The following PPFIA2 variants were observed in gnomAD, a reference collection of about 807,000 sequenced individuals.
PPFIA2 encodes the protein PPFI scaffold protein A2, also known as liprin-alpha-2.
Under a neutral mutation model 175.5 loss-of-function variants are expected in PPFIA2, and 46 were observed. The observed-to-expected ratio is 0.26, with a 90% confidence interval of 0.21 to 0.34. The LOEUF is 0.34. Among genes scored for constraint, PPFIA2 ranks in the 10% least tolerant of loss-of-function variants. The pLI is 1.00. For synonymous variants in PPFIA2, 568 were observed against 511.4 expected (o/e 1.11, Z -1.49); for missense variants, 1,179 against 1,506.1 (o/e 0.78, Z 3.60).
At chr12:81,544,800 A>G (rs549516300) in intron 4 of PPFIA2, among the ~76,000 whole-genome samples, 1 of 152,284 alleles carries the variant, frequency 6.6e-6, no homozygotes, top group East Asian at 1.9e-4. Context: ...ATCTTTTCCT[A>G]TACAAGCTGC....
chr12:81,478,419 C>T (rs139443347), intron 4 of PPFIA2, among the ~76,000 whole-genome samples: 2,265 of 152,188 alleles, frequency 0.015, 48 homozygotes, highest in East Asian at 0.043. Context: ...TTCAGATCTG[C>T]TCTGATCTTA....
At chr12:81,513,565 A>G (rs890290821) in intron 4 of PPFIA2, among the ~76,000 whole-genome samples, 2 of 152,030 alleles carry the variant, frequency 1.3e-5, no homozygotes, top group African/African-American at 4.8e-5. Flanking sequence ...TAGAAGAGCT[A>G]TAAAGATAGT....
At chr12:81,342,889 C>T (rs1025134026) in intron 19 of PPFIA2, among the ~76,000 whole-genome samples, 1 of 151,768 alleles carries the variant, frequency 6.6e-6, no homozygotes, top group African/African-American at 2.4e-5. Context: ...CAGCATGGCA[C>T]ATGTATACAT....
At chr12:81,292,126 T>G (rs1222647934) in intron 24 of PPFIA2, among the ~76,000 whole-genome samples, 3 of 152,066 alleles carry the variant, frequency 2.0e-5, no homozygotes, top group Non-Finnish European at 2.9e-5. Flanking sequence ...TATCATATTT[T>G]TCATCTGGAA....
intron 4 of PPFIA2, among the ~76,000 whole-genome samples, chr12:81,498,693 C>T (rs992037711): frequency 1.3e-5 from 2 of 152,056 alleles, no homozygotes; most frequent in Admixed American, 6.6e-5. Context: ...GGCGTGATCT[C>T]GGCTCACTGC....
intron 4 of PPFIA2, among the ~76,000 whole-genome samples, chr12:81,660,390 C>T (rs148842147): frequency 1.6e-4 from 25 of 152,058 alleles, no homozygotes; most frequent in Non-Finnish European, 3.1e-4. Flanking sequence ...ACGAGAACTA[C>T]GTGACAAATG....
chr12:81,456,487 G>C (rs1450122681), intron 5 of PPFIA2, among the ~76,000 whole-genome samples: 1 of 152,128 alleles, frequency 6.6e-6, no homozygotes, highest in African/African-American at 2.4e-5. Flanking sequence ...TCTCATTAAA[G>C]GCACAAGCTC....
chr12:81,418,731 C>T (rs574766734), intron 7 of PPFIA2, among the ~76,000 whole-genome samples: 4 of 152,000 alleles, frequency 2.6e-5, no homozygotes, highest in African/African-American at 9.6e-5. Context: ...CAAATGGATA[C>T]AGTTAAAGTC....
chr12:81,601,141 G>C (rs1015197128), intron 4 of PPFIA2, among the ~76,000 whole-genome samples: 4 of 151,858 alleles, frequency 2.6e-5, no homozygotes, highest in African/African-American at 9.7e-5. Context: ...AAATAGTATA[G>C]ATTAATGTTA....
intron 4 of PPFIA2, among the ~76,000 whole-genome samples, chr12:81,517,646 T>C (rs902124835): frequency 1.3e-5 from 2 of 152,140 alleles, no homozygotes; most frequent in Non-Finnish European, 2.9e-5. Context: ...ATCTTGAAGA[T>C]GTAGATTGTA....
chr12:81,314,935 G>A (rs1409913033), intron 22 of PPFIA2, among the ~76,000 whole-genome samples: 2 of 151,750 alleles, frequency 1.3e-5, no homozygotes, highest in Non-Finnish European at 3.0e-5. Flanking sequence ...AAAGACAGGA[G>A]CAGAAGTTGA....
intron 14 of PPFIA2, 47 bp downstream of exon 14, chr12:81,367,061 G>A: frequency 7.0e-7 from 1 of 1,420,934 alleles, no homozygotes. Flanking sequence ...CAGTGGAATA[G>A]AAAATAAAAA....
At chr12:81,734,300 A>T (rs2081295935) in intron 3 of PPFIA2, among the ~76,000 whole-genome samples, 1 of 151,838 alleles carries the variant, frequency 6.6e-6, no homozygotes, top group African/African-American at 2.4e-5. Context: ...ATAAGGAAAA[A>T]ATCTCTTTGC....
intron 4 of PPFIA2, among the ~76,000 whole-genome samples, chr12:81,550,394 T>C (rs1446882456): frequency 6.6e-6 from 1 of 152,010 alleles, no homozygotes; most frequent in Non-Finnish European, 1.5e-5. Context: ...GGCATAACGA[T>C]AATTTATTTG....
intron 4 of PPFIA2, among the ~76,000 whole-genome samples, chr12:81,467,608 T>G (rs140776650): frequency 3.7e-4 from 57 of 152,330 alleles, no homozygotes; most frequent in African/African-American, 1.3e-3. Context: ...GATGACACCA[T>G]GTCATGTCAG....
chr12:81,692,207 A>G (rs1240237047), intron 3 of PPFIA2, among the ~76,000 whole-genome samples: 1 of 151,940 alleles, frequency 6.6e-6, no homozygotes, highest in African/African-American at 2.4e-5. Flanking sequence ...CTGATGTCTC[A>G]TGCCAACCAC....
At chr12:81,459,185 A>T (rs948435002) in intron 4 of PPFIA2, among the ~76,000 whole-genome samples, 5 of 152,056 alleles carry the variant, frequency 3.3e-5, no homozygotes, top group Non-Finnish European at 5.9e-5. Flanking sequence ...CATAGGGATA[A>T]ATGTTTTCTT....
chr12:81,431,988 T>C (rs1000566653), intron 7 of PPFIA2, among the ~76,000 whole-genome samples: 3 of 152,148 alleles, frequency 2.0e-5, no homozygotes, highest in Non-Finnish European at 2.9e-5. Context: ...TTTTTCCTAT[T>C]CATACCCCTA....
intron 4 of PPFIA2, among the ~76,000 whole-genome samples, chr12:81,647,147 C>A (rs2066232646): frequency 6.6e-6 from 1 of 151,602 alleles, no homozygotes; most frequent in Non-Finnish European, 1.5e-5. Flanking sequence ...ATACAAATAC[C>A]AGAAATTAAA....
Sources: gnomAD v4.1 joint callset for allele counts (sites outside exome capture counted in the v4.1 genomes callset) on GRCh38, gnomAD v4.1.1 for gene constraint, MANE v1.5 for transcripts, NCBI Gene and HGNC (gene_info 2026-07-23, HGNC 2026-07-21) for gene names.